Variants in ZDHHC20 observed in about 807,000 individuals in gnomAD.
ZDHHC20 encodes the protein zDHHC palmitoyltransferase 20, also known as palmitoyltransferase ZDHHC20.
In ZDHHC20, 43 loss-of-function variants were observed where a neutral mutation model predicts 57.8. The observed-to-expected ratio is 0.74, with a 90% CI of 0.58 to 0.96. The LOEUF is 0.96. Among genes scored for constraint, ZDHHC20 ranks in the 40% least tolerant of loss-of-function variants. ZDHHC20 has a pLI of 0.00. For missense variants in ZDHHC20, 391 were observed against 441.1 expected (o/e 0.89, Z 1.02); for synonymous variants, 157 against 153.0 (o/e 1.03, Z -0.19).
intron 1 of ZDHHC20, among the ~76,000 whole-genome samples, chr13:21,451,249 T>C (rs530022955): frequency 7.4e-4 from 112 of 152,338 alleles, no homozygotes; most frequent in African/African-American, 2.5e-3. Context: ...CCACTAAAGA[T>C]TGTGAAATAC....
Position 21,448,615 on chromosome 13 carries a change from G to A in ZDHHC20, c.118+10439C>T, listed in dbSNP as rs1395209231. Among the ~76,000 whole-genome samples, 7 of 93,984 alleles carry A rather than the reference G, an allele frequency of 7.4e-5. 2 individuals are homozygous for A. The highest frequency in any genetic ancestry group is 8.3e-5 in the Non-Finnish European group (3 of 36,130). The allele number at this position is 93,984 out of a possible 152,430, so 61.7% of individuals were successfully genotyped here. A position where few individuals can be genotyped will look rare whatever the true frequency, so the allele number is the denominator to read the frequency against. ...AGGTGGGGGGGTCAGCCCCCTGCCC[G>A]GCCGGCCGCCCCGTCCGGGAGGTGA... On this transcript the variant is annotated intron_variant, in intron 1 of 12. Transcript: ENST00000400590.
intron 1 of ZDHHC20, among the ~76,000 whole-genome samples, chr13:21,457,301 G>A (rs187568213): frequency 6.6e-6 from 1 of 152,024 alleles, no homozygotes; most frequent in Non-Finnish European, 1.5e-5. Context: ...AAACCACTAC[G>A]GGAATTAAAA....
At chr13:21,448,488 G>C (rs1474851206) in intron 1 of ZDHHC20, among the ~76,000 whole-genome samples, 1 of 100,912 alleles carries the variant, frequency 9.9e-6, no homozygotes, top group African/African-American at 3.2e-5. Flanking sequence ...CCCGCCGCCC[G>C]GCCAGCCGCC....
intron 1 of ZDHHC20, among the ~76,000 whole-genome samples, chr13:21,432,128 AT>A (rs1488098463): frequency 6.6e-6 from 1 of 151,900 alleles, no homozygotes; most frequent in African/African-American, 2.4e-5. Context: ...ATTTTTTATT[AT>A]TTTTGAGACA....
chr13:21,393,682 C>A (rs1184847201), intron 7 of ZDHHC20, among the ~76,000 whole-genome samples: 2 of 125,204 alleles, frequency 1.6e-5, no homozygotes, highest in Admixed American at 9.7e-5. Flanking sequence ...CCAGCCTGGG[C>A]GACACAGCAA....
rs866967450 is a variant in ZDHHC20, at chr13:21,443,229, G to T, written c.118+15825C>A. ...TGCTACCTTCTCCCCTAGGAGTGGTGTTTTTTTTTAAGGCTGCCATCTCAA... is the reference window on the plus strand; with the variant it reads ...TGCTACCTTCTCCCCTAGGAGTGGTTTTTTTTTTTAAGGCTGCCATCTCAA... On this transcript the variant is annotated intron_variant, in intron 1 of 12. Coordinates refer to ENST00000400590, the MANE Select transcript of ZDHHC20 (RefSeq NM_001330059.2). Among the ~76,000 whole-genome samples the T allele has an allele frequency of 6.0e-5, 9 of 151,014 alleles. No homozygotes were observed. The East Asian group carries it at 1.7e-3, about 29-fold the overall frequency.
chr13:21,446,540 G>A (rs986352186), intron 1 of ZDHHC20, among the ~76,000 whole-genome samples: 8 of 152,032 alleles, frequency 5.3e-5, no homozygotes, highest in African/African-American at 1.9e-4. Context: ...AAATGCATTG[G>A]GAAAGCCAAA....
At chr13:21,457,238 T>C (rs1490175349) in intron 1 of ZDHHC20, among the ~76,000 whole-genome samples, 1 of 152,234 alleles carries the variant, frequency 6.6e-6, no homozygotes, top group Non-Finnish European at 1.5e-5. Flanking sequence ...CAGGTTAAGC[T>C]GTGGAATCTC....
intron 1 of ZDHHC20, among the ~76,000 whole-genome samples, chr13:21,440,008 A>G (rs1422994148): frequency 6.9e-6 from 1 of 144,414 alleles, no homozygotes; most frequent in Non-Finnish European, 1.5e-5. Flanking sequence ...CAGAGGTTTC[A>G]GTGAGCCAAG....
chr13:21,387,069 A>G (rs1020798119), intron 9 of ZDHHC20, among the ~76,000 whole-genome samples: 1 of 152,222 alleles, frequency 6.6e-6, no homozygotes, highest in African/African-American at 2.4e-5. Flanking sequence ...GAAACTATCA[A>G]TCATCTCAAG....
At chr13:21,381,402 G>C (rs763175975) in intron 11 of ZDHHC20, 32 bp downstream of exon 11, 1 of 1,498,134 alleles carries the variant, frequency 6.7e-7, no homozygotes, top group Non-Finnish European at 9.3e-7. Flanking sequence ...ATTTGAACCA[G>C]ACAAAGCAGT....
rs1302347143 is a variant in ZDHHC20 at position 21,376,601 on chromosome 13, A to C, written c.*95T>G. 8.8e-6 allele frequency: 12 copies of C among 1,357,742 alleles called. No individual in the cohort carries two copies. Among genetic ancestry groups the C allele is most frequent in the Non-Finnish European group, 1.2e-5 (12 of 1,006,834 alleles). 84.1% of individuals were successfully genotyped at this position (1,357,742 alleles called of 1,614,324 possible). On this transcript the variant is annotated 3_prime_UTR_variant, in exon 13 of 13. Transcript: ENST00000400590. ...ATACTTCAGTTATTTCATTCCACTG[A>C]TCATTTTCTTGCAAATGAAAATTGA...
chr13:21,377,450 C>T (rs1872361993), intron 12 of ZDHHC20, among the ~76,000 whole-genome samples: 1 of 117,164 alleles, frequency 8.5e-6, no homozygotes, highest in African/African-American at 3.9e-5. Context: ...TGACTCTGCC[C>T]GACGTGACCT....
chr13:21,457,531 A>C (rs2138086456), intron 1 of ZDHHC20, among the ~76,000 whole-genome samples: 1 of 152,338 alleles, frequency 6.6e-6, no homozygotes, highest in South Asian at 2.1e-4. Flanking sequence ...ATCCAAAAGC[A>C]TGAGACTAAA....
intron 2 of ZDHHC20, among the ~76,000 whole-genome samples, chr13:21,423,614 C>T (rs1019883281): frequency 7.9e-5 from 12 of 151,362 alleles, no homozygotes; most frequent in Non-Finnish European, 1.5e-4. Flanking sequence ...GCAAATGTTG[C>T]AGTGAGCCGA....
intron 4 of ZDHHC20, among the ~76,000 whole-genome samples, chr13:21,405,298 TAC>T (rs1254270769): frequency 1.3e-5 from 2 of 152,230 alleles, no homozygotes; most frequent in South Asian, 2.1e-4. Flanking sequence ...TTTAATATGA[TAC>T]AGAGGCAATA....
At chr13:21,378,781 A>G in intron 11 of ZDHHC20, 43 bp from the exon 12 acceptor site, 1 of 1,191,606 alleles carries the variant, frequency 8.4e-7, no homozygotes, top group Non-Finnish European at 1.1e-6. Context: ...AAAAAAAAAA[A>G]AAAAGAAGTA....
intron 7 of ZDHHC20, among the ~76,000 whole-genome samples, chr13:21,393,699 CAAAAAAAAAAAAAAAA>C (rs71093307): frequency 7.9e-5 from 5 of 63,414 alleles, no homozygotes; most frequent in South Asian, 7.6e-4. Flanking sequence ...GCAAGTCTCA[CAAAAAAAAAAAAAAAA>C]AAAAAAAAAA....
chr13:21,404,429 A>G, intron 4 of ZDHHC20: 2 of 454,528 alleles, frequency 4.4e-6, no homozygotes, highest in Non-Finnish European at 8.9e-6. Flanking sequence ...CTAATATGGA[A>G]AAATACAAGG....
Sources: gnomAD v4.1 joint callset for allele counts (sites outside exome capture counted in the v4.1 genomes callset) on GRCh38, gnomAD v4.1.1 for gene constraint, MANE v1.5 for transcripts, NCBI Gene and HGNC (gene_info 2026-07-23, HGNC 2026-07-21) for gene names.